The following DLC1 variants were observed in gnomAD, a reference collection of about 807,000 sequenced individuals.
DLC1 encodes DLC1 Rho GTPase activating protein.
In DLC1, 54 loss-of-function variants were observed where a neutral mutation model predicts 140.3. The ratio of observed to expected loss-of-function variants is 0.38; its 90% CI spans 0.31 to 0.48. The LOEUF (loss-of-function observed/expected upper bound fraction) is 0.48. Ranked by LOEUF, DLC1 falls within the 20% of genes least tolerant of loss-of-function variation. The pLI is 0.96. For synonymous variants in DLC1, 986 were observed against 728.1 expected (o/e 1.35, Z -5.70); for missense variants, 2,536 against 1,907.0 (o/e 1.33, Z -6.14).
At chr8:13,197,901 C>T (rs149784580) in intron 5 of DLC1, among the ~76,000 whole-genome samples, 194 of 152,054 alleles carry the variant, frequency 1.3e-3, no homozygotes, top group African/African-American at 4.3e-3. Context: ...TTTGCCTGAT[C>T]TTGGCTTTAG....
At chr8:13,416,484 C>G (rs1420533413) in intron 2 of DLC1, among the ~76,000 whole-genome samples, 1 of 152,012 alleles carries the variant, frequency 6.6e-6, no homozygotes. Flanking sequence ...AATATGGCCA[C>G]TTTGGATGAT....
At chr8:13,515,201 C>T (rs532058386), upstream of DLC1, among the ~76,000 whole-genome samples, 1 of 152,336 alleles carries the variant, frequency 6.6e-6, no homozygotes, top group Non-Finnish European at 1.5e-5. Flanking sequence ...CCTGTGCTTG[C>T]TCTCATTTCA....
At chr8:13,541,498 T>C (rs965667589) in intron 1 of DLC1, among the ~76,000 whole-genome samples, 1 of 152,180 alleles carries the variant, frequency 6.6e-6, no homozygotes, top group East Asian at 1.9e-4. Context: ...TGTAGTGTTA[T>C]CTAATTGTGG....
chr8:13,124,071 T>C (rs1169151050), intron 5 of DLC1, among the ~76,000 whole-genome samples: 4 of 152,240 alleles, frequency 2.6e-5, no homozygotes, highest in African/African-American at 9.6e-5. Flanking sequence ...CTTATATTTT[T>C]ATATATTTTT....
At chr8:13,182,701 C>T (rs1356439182) in intron 5 of DLC1, among the ~76,000 whole-genome samples, 2 of 152,152 alleles carry the variant, frequency 1.3e-5, no homozygotes, top group African/African-American at 2.4e-5. Context: ...GGTACCAGTA[C>T]CATGCTGTTT....
intron 1 of DLC1, among the ~76,000 whole-genome samples, chr8:13,562,513 G>C (rs143714504): frequency 2.6e-5 from 4 of 152,018 alleles, no homozygotes; most frequent in Admixed American, 2.0e-4. Context: ...TTAAAATTAC[G>C]CTGAGATATC....
chr8:13,386,598 G>C lies in DLC1; in HGVS notation c.1314+6955C>G, dbSNP rs573444475. ...TATCTGAAAACAACAAGAAATTAGA[G>C]AATTTTGAATTTATTTTAAATATAA... On this transcript the variant is annotated intron_variant, in intron 4 of 17. Transcript: ENST00000276297. Among the ~76,000 whole-genome samples, 3 of 152,142 alleles carry C rather than the reference G, an allele frequency of 2.0e-5. No homozygotes were observed. The South Asian group carries it at 6.2e-4, about 31-fold the overall frequency.
At chr8:13,270,917 A>T (rs979007692) in intron 5 of DLC1, among the ~76,000 whole-genome samples, 1 of 152,130 alleles carries the variant, frequency 6.6e-6, no homozygotes, top group African/African-American at 2.4e-5. Flanking sequence ...TTTAATCCTT[A>T]AAACCATTTC....
At chr8:13,580,814 A>C (rs1342801504) in intron 1 of DLC1, among the ~76,000 whole-genome samples, 1 of 152,236 alleles carries the variant, frequency 6.6e-6, no homozygotes, top group Non-Finnish European at 1.5e-5. Flanking sequence ...AAGGTTTACT[A>C]TGCTCATAAT....
chr8:13,463,337 G>C (rs1380010451), intron 2 of DLC1, among the ~76,000 whole-genome samples: 1 of 152,040 alleles, frequency 6.6e-6, no homozygotes, highest in African/African-American at 2.4e-5. Flanking sequence ...TAACCTCTTT[G>C]CTGTAAGGTA....
Position 13,091,405 on chromosome 8 carries a change from G to T in DLC1, c.3768C>A (p.Gly1256=). The T allele has an allele frequency of 1.9e-6, 3 of 1,614,036 alleles. No individual in the cohort carries two copies. The highest frequency in any genetic ancestry group is 2.5e-6 in the Non-Finnish European group (3 of 1,179,996). The change falls in exon 14 of 18, where the codon GGC becomes GGA. Residue 1256 remains glycine, a synonymous_variant. Coordinates refer to ENST00000276297, the MANE Select transcript of DLC1 (RefSeq NM_182643.3). ...PRVMQRKQSL[G]KPDQKDLNEN... ...CATTCAAATCTTTCTGATCTGGTTT[G>T]CCCAAACTTTGTTTTCTTTGCATTA...
At chr8:13,387,811 A>T (rs1836587782) in intron 4 of DLC1, among the ~76,000 whole-genome samples, 1 of 152,022 alleles carries the variant, frequency 6.6e-6, no homozygotes, top group African/African-American at 2.4e-5. Context: ...AATAAACCCA[A>T]ATGTCAATGT....
chr8:13,411,776 A>T (rs1277069452), intron 2 of DLC1, among the ~76,000 whole-genome samples: 1 of 152,218 alleles, frequency 6.6e-6, no homozygotes. Context: ...CTTTAAATAC[A>T]CACAAAATAC....
At chr8:13,512,618 GC>G (rs1288198756) in intron 1 of DLC1, among the ~76,000 whole-genome samples, 1 of 152,046 alleles carries the variant, frequency 6.6e-6, no homozygotes, top group Non-Finnish European at 1.5e-5. Context: ...CTTGAAATAA[GC>G]TACAGCAACA....
At chr8:13,465,922 G>C (rs12547075) in intron 2 of DLC1, among the ~76,000 whole-genome samples, 123,357 of 151,948 alleles carry the variant, frequency 0.81, 51,537 homozygotes, top group Middle Eastern at 0.96. Context: ...ACAGTTTCCA[G>C]TTTCTACAAC....
chr8:13,603,137 TAAAA>T lies in DLC1; in HGVS notation c.-126+1396_-126+1399del, dbSNP rs1161722450. 5.9e-5 allele frequency among the ~76,000 whole-genome samples: 9 copies of T among 151,988 alleles called. No individual in the cohort carries two copies. The East Asian group carries it at 1.4e-3, about 23-fold the overall frequency. On this transcript the variant is annotated intron_variant, in intron 1 of 1. Coordinates refer to the DLC1 transcript ENST00000631382. Reference sequence around the variant, plus strand: ...TTAGAATATTATCTTTTTCTTAAAATAAAAGAACTCTTAAGTCACACGGAATAAT... The same window carrying T: ...TTAGAATATTATCTTTTTCTTAAAATGAACTCTTAAGTCACACGGAATAAT...
intron 1 of DLC1, among the ~76,000 whole-genome samples, chr8:13,578,143 T>C (rs1354948766): frequency 2.6e-5 from 4 of 152,134 alleles, no homozygotes; most frequent in Non-Finnish European, 5.9e-5. Context: ...CACTGGTCAC[T>C]TTGACCTTCA....
At chr8:13,297,800 TAATCATTCTCTGGATC>T in intron 5 of DLC1, among the ~76,000 whole-genome samples, 2 of 152,344 alleles carry the variant, frequency 1.3e-5, no homozygotes, top group South Asian at 4.1e-4. Context: ...TATATCACAT[TAATCATTCTCTGGATC>T]CAAGCAATGA....
At chr8:13,447,017 A>G (rs1298470826) in intron 2 of DLC1, among the ~76,000 whole-genome samples, 1 of 152,110 alleles carries the variant, frequency 6.6e-6, no homozygotes, top group Non-Finnish European at 1.5e-5. Context: ...AGAAGAAAAG[A>G]AAGGAAAATC....
Sources: allele counts gnomAD v4.1 joint callset (sites outside exome capture counted in the v4.1 genomes callset), GRCh38; gene constraint gnomAD v4.1.1; transcripts MANE v1.5; gene names NCBI Gene and HGNC (gene_info 2026-07-23, HGNC 2026-07-21).